Variants in PJVK observed in about 807,000 individuals in gnomAD.
PJVK encodes the protein pejvakin, also known as autosomal recessive deafness type 59 protein.
A neutral mutation model predicts 37.6 loss-of-function variants in PJVK; 33 were observed. The observed-to-expected ratio is 0.88, with a 90% CI of 0.67 to 1.17. The LOEUF is 1.17. Ranked by LOEUF, PJVK falls within the 50% of genes most tolerant of loss-of-function variation. The pLI is 0.00. For synonymous variants in PJVK, 141 were observed against 143.5 expected (o/e 0.98, Z 0.13); for missense variants, 410 against 413.8 (o/e 0.99, Z 0.08).
intron 2 of PJVK, chr2:178,453,900 A>C (rs1697879737): frequency 5.3e-6 from 2 of 379,800 alleles, no homozygotes; most frequent in East Asian, 6.3e-5. Flanking sequence ...CATCTATAAA[A>C]TGGGATATTA....
intron 3 of PJVK, 27 bp from the exon 4 acceptor site, chr2:178,455,983 C>G (rs374710586): frequency 4.3e-6 from 7 of 1,611,330 alleles, no homozygotes; most frequent in Non-Finnish European, 5.9e-6. Flanking sequence ...GTTATAGAGT[C>G]TTGTGAATGT....
At chr2:178,455,874 A>G (rs568229202) in intron 3 of PJVK, 136 bp from the exon 4 acceptor site, 9 of 955,350 alleles carry the variant, frequency 9.4e-6, no homozygotes, top group African/African-American at 1.6e-5. Context: ...TTTTGGGTGT[A>G]TTTTCTGACT....
rs1018129593 is a variant in PJVK, at chr2:178,451,647, G to A, written c.-145G>A. 1.0e-5 allele frequency: 3 copies of A among 298,282 alleles called. No homozygotes were observed. Among genetic ancestry groups the A allele is most frequent in the Non-Finnish European group, 9.9e-6 (2 of 201,958 alleles). 18.5% of individuals were successfully genotyped at this position (298,282 alleles called of 1,614,324 possible). On this transcript the variant is annotated 5_prime_UTR_variant, in exon 1 of 7. In the 5' UTR this introduces an upstream ATG that the reference lacks. Transcript: ENST00000644580. ...GATATATACGCTCCAGGGGGCTGCG[G>A]TGCGCTCTTCGGGTCCCCGAGCCCT...
In PJVK at chr2:178,451,663, C is replaced by A; in HGVS notation, c.-129C>A. ...GGGGCTGCGGTGCGCTCTTCGGGTC[C>A]CCGAGCCCTGTGTTTAGGAACACGC... On this transcript the variant is annotated 5_prime_UTR_variant, in exon 1 of 7. Coordinates refer to ENST00000644580, the MANE Select transcript of PJVK (RefSeq NM_001042702.5). 1 of 499,036 alleles carries A rather than the reference C, an allele frequency of 2.0e-6. No individual in the cohort carries two copies. The highest frequency in any genetic ancestry group is 2.6e-6 in the Non-Finnish European group (1 of 385,630). The allele number at this position is 499,036 out of a possible 1,614,324, so 30.9% of individuals were successfully genotyped here. A position where few individuals can be genotyped will look rare whatever the true frequency, so the allele number is the denominator to read the frequency against.
chr2:178,453,670 A>C (rs1276961652), intron 2 of PJVK, 50 bp downstream of exon 2: 2 of 1,481,440 alleles, frequency 1.4e-6, no homozygotes, highest in Non-Finnish European at 1.9e-6. Flanking sequence ...TATTATTGGC[A>C]ACCTAAACAT....
Position 178,461,492 on chromosome 2 carries a change from C to A in PJVK, c.*218C>A. The A allele has an allele frequency of 1.3e-5, 6 of 457,190 alleles. No individual in the cohort carries two copies. The highest frequency in any genetic ancestry group is 2.6e-5 in the South Asian group (1 of 38,148). The allele number at this position is 457,190 out of a possible 1,614,324, so 28.3% of individuals were successfully genotyped here. ...TGAAAATTAATAACATTGTTTATATCAAAAAAGATTTACATATAAAATTCA... is the reference window on the plus strand; with the variant it reads ...TGAAAATTAATAACATTGTTTATATAAAAAAAGATTTACATATAAAATTCA... On this transcript the variant is annotated 3_prime_UTR_variant, in exon 7 of 7. Transcript: ENST00000644580.
Position 178,454,363 on chromosome 2 carries a change from A to T in PJVK, c.243A>T (p.Glu81Asp). The T allele has an allele frequency of 1.9e-6, 3 of 1,613,580 alleles. No individual in the cohort carries two copies. The South Asian group carries it at 3.3e-5, about 18-fold the overall frequency. Residue 81 changes from glutamate to aspartate, a missense_variant, in exon 3 of 7, where the codon GAA becomes GAT. By Grantham distance (45) the Glu-to-Asp change is conservative. Transcript: ENST00000644580. Reference protein sequence around the residue: ...GISSYQLLNYEDESDVSLYGR... With the variant: ...GISSYQLLNYDDESDVSLYGR... ...CATCTTATCAATTACTGAATTATGA[A>T]GATGAATCAGATGTTTCACTCTATG...
intron 5 of PJVK, chr2:178,459,309 C>A: frequency 2.4e-6 from 1 of 423,786 alleles, no homozygotes; most frequent in South Asian, 1.7e-5. Flanking sequence ...TTGTTCATTT[C>A]TGCAATTTTG....
At chr2:178,460,190 A>G (rs1684394533) in intron 5 of PJVK, among the ~76,000 whole-genome samples, 158 bp from the exon 6 acceptor site, 2 of 152,198 alleles carry the variant, frequency 1.3e-5, no homozygotes, top group Non-Finnish European at 2.9e-5. Flanking sequence ...TTTCTGTATG[A>G]ATTTTGTACC....
intron 3 of PJVK, chr2:178,455,287 C>G: frequency 1.4e-6 from 2 of 1,404,528 alleles, no homozygotes; most frequent in South Asian, 1.2e-5. Flanking sequence ...AGACTCACAT[C>G]ATGGTGGAAA....
rs766260743 is a variant in PJVK at position 178,460,346 on chromosome 2, A to G, written c.668-2A>G. ...AACATCTTCTAACAATTTTTTTTGT[A>G]GACCTTTGTGTCACTTCAGTGTCAA... On this transcript the variant is annotated splice_acceptor_variant, in intron 5 of 6. Coordinates refer to ENST00000644580, the MANE Select transcript of PJVK (RefSeq NM_001042702.5). LOFTEE classifies it high-confidence loss of function. The G allele has an allele frequency of 6.2e-7, 1 of 1,613,206 alleles. No individual in the cohort carries two copies. The highest frequency in any genetic ancestry group is 1.3e-5 in the African/African-American group (1 of 75,042).
chr2:178,454,546 A>C lies in PJVK; in HGVS notation c.407+19A>C. ...CTACACGGTCAGTATAATAATCCTA[A>C]TATATTTCAGTGTTTTCATTAAATA... On this transcript the variant is annotated intron_variant, in intron 3 of 6. Coordinates refer to ENST00000644580, the MANE Select transcript of PJVK (RefSeq NM_001042702.5). 1 of 1,605,992 alleles carries C rather than the reference A, an allele frequency of 6.2e-7. No homozygotes were observed. The highest frequency in any genetic ancestry group is 1.1e-5 in the South Asian group (1 of 90,288).
rs750041216 is a variant in PJVK, at chr2:178,453,493, T to C, written c.84T>C (p.Ala28=). The change falls in exon 2 of 7, where the codon GCT becomes GCC. Residue 28 remains alanine, a synonymous_variant. Transcript: ENST00000644580. ...TTCCTGTTCCAAGCCTCAGTGAAGCTGACAAATATCAACCTCTAAGTCTGG... is the reference window on the plus strand; with the variant it reads ...TTCCTGTTCCAAGCCTCAGTGAAGCCGACAAATATCAACCTCTAAGTCTGG... ...RLVPVPSLSE[A]DKYQPLSLVV... is the part of the protein sequence containing the mutation. The C allele has an allele frequency of 6.2e-7, 1 of 1,614,154 alleles. No individual in the cohort carries two copies. Among genetic ancestry groups the C allele is most frequent in the Non-Finnish European group, 8.5e-7 (1 of 1,180,012 alleles).
intron 2 of PJVK, 123 bp downstream of exon 2, chr2:178,453,743 T>C (rs557195047): frequency 1.5e-5 from 12 of 791,448 alleles, no homozygotes; most frequent in Admixed American, 4.3e-5. Context: ...ACTTTTATTA[T>C]GATGTTAGTG....
At chr2:178,460,868 AAAAAG>A in intron 6 of PJVK, 109 bp from the exon 7 acceptor site, 1 of 1,027,540 alleles carries the variant, frequency 9.7e-7, no homozygotes, top group Non-Finnish European at 1.4e-6. Context: ...AAAAAAAAAA[AAAAAG>A]CCAAATTATT....
Position 178,458,691 on chromosome 2 carries a change from G to T in PJVK, c.667+64G>T, listed in dbSNP as rs116771324. On this transcript the variant is annotated intron_variant, in intron 5 of 6. Transcript: ENST00000644580. The stretch of plus-strand genomic sequence containing the variant: ...TTTTAAGGAGCATTCATTAGGGCAT[G>T]TGCTCTCTCTCTCTCTTTTCTCTCA... 1,167 of 1,195,780 alleles carry T rather than the reference G, an allele frequency of 9.8e-4. 3 individuals are homozygous for T. The African/African-American group carries it at 0.016, about 17-fold the overall frequency. The allele number at this position is 1,195,780 out of a possible 1,614,324, so 74.1% of individuals were successfully genotyped here. A position where few individuals can be genotyped will look rare whatever the true frequency, so the allele number is the denominator to read the frequency against.
chr2:178,458,552 G>A lies in PJVK; in HGVS notation c.592G>A (p.Ala198Thr). The change falls in exon 5 of 7, where the codon GCT (alanine) becomes ACT (threonine). Residue 198 changes from alanine (A) to threonine (T), a missense_variant. Physicochemically the swap from Ala to Thr is moderately conservative, Grantham distance 58 (BLOSUM62 0). Coordinates refer to ENST00000644580, the MANE Select transcript of PJVK (RefSeq NM_001042702.5). ...DEQNPKGRDK[A>T]IVFPAHTTIA... Reference sequence around the variant, plus strand: ...ACAGAATCCCAAGGGAAGGGACAAAGCTATTGTTTTCCCAGCACATACAAC... The same window carrying A: ...ACAGAATCCCAAGGGAAGGGACAAAACTATTGTTTTCCCAGCACATACAAC... 1 of 1,613,996 alleles carries A rather than the reference G, an allele frequency of 6.2e-7. No individual in the cohort carries two copies. The highest frequency in any genetic ancestry group is 1.7e-5 in the Admixed American group (1 of 60,014).
intron 2 of PJVK, 112 bp from the exon 3 acceptor site, chr2:178,454,220 C>G (rs1697905293): frequency 1.1e-6 from 1 of 890,466 alleles, no homozygotes; most frequent in South Asian, 1.8e-5. Context: ...GTCATGTTGC[C>G]TTTCTCTAAC....
intron 5 of PJVK, among the ~76,000 whole-genome samples, chr2:178,459,444 T>A (rs145970267): frequency 6.6e-6 from 1 of 152,318 alleles, no homozygotes; most frequent in East Asian, 1.9e-4. Flanking sequence ...ATGTATGGGA[T>A]ACATGAGGTA....
Sources: allele counts gnomAD v4.1 joint callset (sites outside exome capture counted in the v4.1 genomes callset), GRCh38; gene constraint gnomAD v4.1.1; transcripts MANE v1.5; gene names NCBI Gene and HGNC (gene_info 2026-07-23, HGNC 2026-07-21).